NLRP2: variants seen among roughly 807,000 people sequenced by gnomAD.
NLRP2 encodes NLR family pyrin domain containing 2, also known as NACHT, LRR and PYD domains-containing protein 2.
In NLRP2, 107 loss-of-function variants were observed where a neutral mutation model predicts 97.2. The observed-to-expected ratio is 1.10, with a 90% confidence interval of 0.94 to 1.29. NLRP2 has a LOEUF of 1.29. NLRP2 is among the 50% of genes most tolerant of loss of function. The pLI, the probability that NLRP2 is intolerant of heterozygous loss-of-function variation, is 0.00. For synonymous variants in NLRP2, 663 were observed against 551.5 expected (o/e 1.20, Z -2.83); for missense variants, 1,495 against 1,330.3 (o/e 1.12, Z -1.93).
rs36061621 is a variant in NLRP2, at chr19:54,984,485, C to CTTTTTTTTTTTT, written c.2031-558_2031-547dup. 7.3e-3 allele frequency among the ~76,000 whole-genome samples: 558 copies of CTTTTTTTTTTTT among 76,730 alleles called. 62 individuals are homozygous for CTTTTTTTTTTTT. Among genetic ancestry groups the CTTTTTTTTTTTT allele is most frequent in the Non-Finnish European group, 8.3e-3 (359 of 43,146 alleles). 50.3% of individuals were successfully genotyped at this position (76,730 alleles called of 152,430 possible). On this transcript the variant is annotated intron_variant, in intron 6 of 12. Coordinates refer to ENST00000448584, the MANE Select transcript of NLRP2 (RefSeq NM_017852.5). ...ATGTATAGATATGTATATTCCCAAT[C>CTTTTTTTTTTTT]TTTTTTTTTTTTTTTGAGACGGAGT...
At chr19:54,979,965 C>T (rs1400221338) in intron 4 of NLRP2, among the ~76,000 whole-genome samples, 1 of 151,832 alleles carries the variant, frequency 6.6e-6, no homozygotes, top group East Asian at 2.0e-4. Flanking sequence ...TTAGTAGAGA[C>T]AGGGTTTCAC....
rs148817929 is a variant in NLRP2 at position 54,982,743 on chromosome 19, G to C, written c.1045G>C (p.Glu349Gln). 1.6e-3 allele frequency: 2,598 copies of C among 1,614,072 alleles called. 15 individuals are homozygous for C. The highest frequency in any genetic ancestry group is 1.1e-3 in the Non-Finnish European group (1,268 of 1,179,994). Reference protein sequence around the residue: ...RALRDLRILAEEPIYIRVEGF... With the variant: ...RALRDLRILAQEPIYIRVEGF... Reference sequence around the variant, plus strand: ...CCTGAGGGACCTCCGGATCCTGGCGGAGGAGCCGATCTACATAAGGGTGGA... The same window carrying C: ...CCTGAGGGACCTCCGGATCCTGGCGCAGGAGCCGATCTACATAAGGGTGGA... Residue 349 changes from glutamate to glutamine, a missense_variant, in exon 6 of 13, where the codon GAG (glutamate) becomes CAG (glutamine). Transcript: ENST00000448584.
At chr19:54,973,156 G>A (rs1403089387) in intron 2 of NLRP2, among the ~76,000 whole-genome samples, 1 of 150,538 alleles carries the variant, frequency 6.6e-6, no homozygotes, top group Non-Finnish European at 1.5e-5. Context: ...GTGCCACTGC[G>A]CTCCAGCCTG....
At chr19:54,973,344 GTT>G (rs10673643) in intron 2 of NLRP2, among the ~76,000 whole-genome samples, 62 of 92,506 alleles carry the variant, frequency 6.7e-4, no homozygotes, top group African/African-American at 2.3e-3. Context: ...ATGGGTGAGG[GTT>G]TTTTTTTTTT....
chr19:54,998,314 G>A (rs28600773), intron 12 of NLRP2, among the ~76,000 whole-genome samples: 45,675 of 151,800 alleles, frequency 0.3, 7,200 homozygotes, highest in Middle Eastern at 0.43. Flanking sequence ...CACCGCACCC[G>A]GCCTGAGTTG....
intron 2 of NLRP2, among the ~76,000 whole-genome samples, chr19:54,972,215 T>A (rs1476180559): frequency 6.6e-6 from 1 of 151,990 alleles, no homozygotes; most frequent in African/African-American, 2.4e-5. Context: ...CAAGTCTCAC[T>A]CTGTCACCCA....
Position 54,970,107 on chromosome 19 carries a change from C to A in NLRP2, c.92C>A (p.Thr31Lys), listed in dbSNP as rs775714992. 4 of 1,614,110 alleles carry A rather than the reference C, an allele frequency of 2.5e-6. No homozygotes were observed. Among genetic ancestry groups the A allele is most frequent in the Non-Finnish European group, 2.5e-6 (3 of 1,180,026 alleles). Residue 31 changes from threonine (T) to lysine (K), a missense_variant, in exon 2 of 13, where the codon ACG becomes AAG. Coordinates refer to ENST00000448584, the MANE Select transcript of NLRP2 (RefSeq NM_017852.5). Reference protein sequence around the residue: ...DELSKFKYLITTFSLAHELQK... With the variant: ...DELSKFKYLIKTFSLAHELQK... ...TTGAGCAAGTTCAAGTATCTGATCACGACCTTCTCCCTGGCACACGAGCTC... is the reference window on the plus strand; with the variant it reads ...TTGAGCAAGTTCAAGTATCTGATCAAGACCTTCTCCCTGGCACACGAGCTC...
At chr19:54,997,650 T>A (rs2072908354) in intron 12 of NLRP2, among the ~76,000 whole-genome samples, 163 bp downstream of exon 12, 1 of 152,042 alleles carries the variant, frequency 6.6e-6, no homozygotes, top group Non-Finnish European at 1.5e-5. Context: ...AAACGGGGTT[T>A]CACCATGTTG....
At position 54,970,281 on chromosome 19, in the gene NLRP2, A is replaced by T. The variant is rs945026463; in HGVS notation, c.266A>T (p.Lys89Met). Residue 89 changes from lysine (K) to methionine (M), a missense_variant, in exon 2 of 13, where the codon AAG becomes ATG. Transcript: ENST00000448584. The stretch of plus-strand genomic sequence containing the variant: ...CGAATGGATCTGTCTGAGAGAGCAA[A>T]GGATGAAGTCAGAGGTGAGTGGAAA... Reference protein sequence around the residue: ...MHRMDLSERAKDEVREAALKS... With the variant: ...MHRMDLSERAMDEVREAALKS... 8 of 1,614,038 alleles carry T rather than the reference A, an allele frequency of 5.0e-6. No individual in the cohort carries two copies. Among genetic ancestry groups the T allele is most frequent in the East Asian group, 2.2e-5 (1 of 44,890 alleles).
At chr19:54,984,485 C>CTCTTTTTTTTTTTTTTTTTT (rs2071911124) in intron 6 of NLRP2, among the ~76,000 whole-genome samples, 1 of 76,914 alleles carries the variant, frequency 1.3e-5, no homozygotes, top group African/African-American at 7.6e-5. Flanking sequence ...TATTCCCAAT[C>CTCTTTTTTTTTTTTTTTTTT]TTTTTTTTTT....
rs140646212 is a variant in NLRP2 at position 54,983,646 on chromosome 19, C to T, written c.1948C>T (p.Leu650=). The T allele has an allele frequency of 1.2e-6, 2 of 1,614,150 alleles. No individual in the cohort carries two copies. The highest frequency in any genetic ancestry group is 1.7e-6 in the Non-Finnish European group (2 of 1,180,030). ...ATTCTGCGTCAAGCACTGTCGAAAC[C>T]TGCAGAAAATGTCACTGCAGGTAAT... ...SSFCVKHCRN[L]QKMSLQVIKE... is the part of the protein sequence containing the mutation. The change falls in exon 6 of 13, where the codon CTG becomes TTG. Residue 650 remains leucine, a synonymous_variant. Coordinates refer to ENST00000448584, the MANE Select transcript of NLRP2 (RefSeq NM_017852.5).
intron 4 of NLRP2, among the ~76,000 whole-genome samples, chr19:54,980,553 A>C (rs1480654336): frequency 2.0e-5 from 3 of 152,234 alleles, no homozygotes; most frequent in Non-Finnish European, 4.4e-5. Context: ...TATTGGAGAA[A>C]GTAGGAAAAG....
Position 54,988,598 on chromosome 19 carries a change from G to A in NLRP2, c.2367-1424G>A, listed in dbSNP as rs2072251992. Among the ~76,000 whole-genome samples the A allele has an allele frequency of 2.0e-5, 3 of 152,110 alleles. No individual in the cohort carries two copies. In the South Asian group the frequency reaches 6.2e-4, roughly 32 times the overall value. On this transcript the variant is annotated intron_variant, in intron 8 of 12. Transcript: ENST00000448584. ...AGTAGAGCCGGGGTTTCACCGTGTT[G>A]GCTGGGCTGGTCTCGAACTCCTGAC...
In NLRP2 at chr19:54,994,264, T is replaced by G. The variant is rs1226274044; in HGVS notation, c.2709-5T>G. The G allele has an allele frequency of 7.4e-6, 12 of 1,614,076 alleles. No individual in the cohort carries two copies. Among genetic ancestry groups the G allele is most frequent in the South Asian group, 4.4e-5 (4 of 91,086 alleles). ...GTTTGCTTTCTTCCTGTGGTTGATT[T>G]CTAGGCTTTGGAACTGCGACATAAC... On this transcript the variant is annotated splice_polypyrimidine_tract_variant and splice_region_variant and intron_variant, in intron 10 of 12. Coordinates refer to ENST00000448584, the MANE Select transcript of NLRP2 (RefSeq NM_017852.5).
In NLRP2 at chr19:54,981,509, G is replaced by GGCCC; in HGVS notation, c.398-108_398-107insGCCC. 2.8e-4 allele frequency: 107 copies of GGCCC among 386,498 alleles called. 1 individual carries two copies. Among genetic ancestry groups the GGCCC allele is most frequent in the South Asian group, 4.9e-4 (23 of 47,152 alleles). The allele number at this position is 386,498 out of a possible 1,614,324, so 23.9% of individuals were successfully genotyped here. On this transcript the variant is annotated intron_variant, in intron 4 of 12. Coordinates refer to ENST00000448584, the MANE Select transcript of NLRP2 (RefSeq NM_017852.5). ...GCTTATTTGCTTTATCTGATCCCGT[G>GGCCC]CCCCCCCTCCCCCCCGCCCCATCAG...
chr19:54,999,835 C>A (rs2073081002), intron 12 of NLRP2, among the ~76,000 whole-genome samples: 1 of 152,100 alleles, frequency 6.6e-6, no homozygotes, highest in Non-Finnish European at 1.5e-5. Flanking sequence ...CTCCCAGGTT[C>A]AAGTGATTCT....
intron 8 of NLRP2, among the ~76,000 whole-genome samples, chr19:54,988,806 CTG>C (rs1218392403): frequency 6.6e-6 from 1 of 151,834 alleles, no homozygotes; most frequent in Non-Finnish European, 1.5e-5. Flanking sequence ...GCATGAGCCA[CTG>C]TGCCCAGCCA....
At chr19:54,990,301 C>T (rs757212514) in intron 9 of NLRP2, 109 bp downstream of exon 9, 21 of 1,232,114 alleles carry the variant, frequency 1.7e-5, no homozygotes, top group Non-Finnish European at 1.2e-6. Flanking sequence ...ATGTGAACAC[C>T]TGTTCCCATG....
At chr19:54,997,248 G>T (rs1281773866) in intron 11 of NLRP2, 69 bp from the exon 12 acceptor site, 19 of 1,527,150 alleles carry the variant, frequency 1.2e-5, no homozygotes, top group Non-Finnish European at 1.7e-5. Context: ...CACGAGGGTG[G>T]GCTTGGCTTG....
Sources: gnomAD v4.1 joint callset for allele counts (sites outside exome capture counted in the v4.1 genomes callset) on GRCh38, gnomAD v4.1.1 for gene constraint, MANE v1.5 for transcripts, NCBI Gene and HGNC (gene_info 2026-07-23, HGNC 2026-07-21) for gene names.